PDE2A: variants seen among roughly 807,000 people sequenced by gnomAD.
The protein encoded by PDE2A is phosphodiesterase 2A, also known as cGMP-dependent 3',5'-cyclic phosphodiesterase.
In PDE2A, 53 loss-of-function variants were observed where a neutral mutation model predicts 133.6. The observed-to-expected ratio is 0.40, with a 90% CI of 0.32 to 0.50. The LOEUF is 0.50. PDE2A is among the 20% of genes least tolerant of loss of function. The pLI is 0.73. For synonymous variants in PDE2A, 491 were observed against 490.2 expected (o/e 1.00, Z -0.02); for missense variants, 796 against 1,232.4 (o/e 0.65, Z 5.30).
chr11:72,577,095 T>A lies in PDE2A; in HGVS notation c.*289A>T. ...TCAAGCTGCTCAGACAAAGAATGGC[T>A]TGGGAAAGACTTGCCAAGGTGTGGT... On this transcript the variant is annotated 3_prime_UTR_variant, in exon 31 of 31. Coordinates refer to ENST00000334456, the MANE Select transcript of PDE2A (RefSeq NM_002599.5). 1 of 363,354 alleles carries A rather than the reference T, an allele frequency of 2.8e-6. No individual in the cohort carries two copies. 22.5% of individuals were successfully genotyped at this position (363,354 alleles called of 1,614,324 possible).
At position 72,633,053 on chromosome 11, in the gene PDE2A, T is replaced by C. The variant is rs1368860662; in HGVS notation, c.144+9201A>G. ...AGCTCACCCCTCCTGGACACTGGAA[T>C]CTGCACCAACCCGCCAATAACCTAC... On this transcript the variant is annotated intron_variant, in intron 2 of 30. Transcript: ENST00000334456. Among the ~76,000 whole-genome samples, 3 of 152,314 alleles carry C rather than the reference T, an allele frequency of 2.0e-5. No homozygotes were observed. In the East Asian group the frequency reaches 5.8e-4, roughly 29 times the overall value.
chr11:72,674,257 T>TAA lies in PDE2A; in HGVS notation c.-51_-50insTT. 1 of 1,564,080 alleles carries TAA rather than the reference T, an allele frequency of 6.4e-7. No individual in the cohort carries two copies. Among genetic ancestry groups the TAA allele is most frequent in the East Asian group, 2.3e-5 (1 of 42,994 alleles). ...GCCAGACTAAGGTGGCACCTCGCCC[T>TAA]GTCCCCGCTGCCTGGAGTTCAGGGC... On this transcript the variant is annotated 5_prime_UTR_variant, in exon 1 of 31. Transcript: ENST00000334456.
chr11:72,632,188 A>G (rs1000123566), intron 2 of PDE2A, among the ~76,000 whole-genome samples: 1 of 152,160 alleles, frequency 6.6e-6, no homozygotes, highest in Non-Finnish European at 1.5e-5. Flanking sequence ...TCGCCTGGGC[A>G]CTGGATACCT....
At chr11:72,653,261 AG>A (rs1854797071) in intron 1 of PDE2A, among the ~76,000 whole-genome samples, 2 of 152,228 alleles carry the variant, frequency 1.3e-5, no homozygotes, top group Admixed American at 1.3e-4. Flanking sequence ...AAGACCAGTC[AG>A]GCCCTGAGAG....
Position 72,674,258 on chromosome 11 carries a change from G to GGTGAAC in PDE2A, c.-52_-51insGTTCAC. The GGTGAAC allele has an allele frequency of 6.4e-7, 1 of 1,563,292 alleles. No homozygotes were observed. Among genetic ancestry groups the GGTGAAC allele is most frequent in the East Asian group, 2.3e-5 (1 of 43,022 alleles). On this transcript the variant is annotated 5_prime_UTR_variant, in exon 1 of 31. Coordinates refer to ENST00000334456, the MANE Select transcript of PDE2A (RefSeq NM_002599.5). ...CCAGACTAAGGTGGCACCTCGCCCT[G>GGTGAAC]TCCCCGCTGCCTGGAGTTCAGGGCA... is the stretch of plus-strand genomic sequence containing the variant.
At chr11:72,648,902 T>A (rs1250677272) in intron 1 of PDE2A, among the ~76,000 whole-genome samples, 1 of 152,116 alleles carries the variant, frequency 6.6e-6, no homozygotes, top group African/African-American at 2.4e-5. Flanking sequence ...CTCAAGCACA[T>A]GCTCACACAG....
intron 2 of PDE2A, among the ~76,000 whole-genome samples, chr11:72,616,477 T>C (rs1346039033): frequency 6.6e-6 from 1 of 152,176 alleles, no homozygotes; most frequent in Non-Finnish European, 1.5e-5. Context: ...TAGGTGTTGG[T>C]AGGCGTTTGC....
In PDE2A at chr11:72,578,577, C is replaced by T; in HGVS notation, c.2470-63G>A. The T allele has an allele frequency of 7.3e-7, 1 of 1,378,012 alleles. No homozygotes were observed. Among genetic ancestry groups the T allele is most frequent in the South Asian group, 1.2e-5 (1 of 86,006 alleles). 85.4% of individuals were successfully genotyped at this position (1,378,012 alleles called of 1,614,324 possible). On this transcript the variant is annotated intron_variant, in intron 28 of 30. Transcript: ENST00000334456. The surrounding 1 kb of genome is among the most constrained non-coding windows in gnomAD (Gnocchi z 4.2). ...GATACATCCACCCAAGCTCCTCTGA[C>T]AGCCCGTTCCCAGGAGAGAAAACTG...
chr11:72,648,841 G>A (rs1337709099), intron 1 of PDE2A, among the ~76,000 whole-genome samples: 1 of 151,992 alleles, frequency 6.6e-6, no homozygotes, highest in Non-Finnish European at 1.5e-5. Flanking sequence ...ATAGATACAC[G>A]TCCATGTTCC....
At chr11:72,653,633 G>T (rs1419520618) in intron 1 of PDE2A, among the ~76,000 whole-genome samples, 1 of 152,164 alleles carries the variant, frequency 6.6e-6, no homozygotes, top group African/African-American at 2.4e-5. Context: ...AGAGGGACAG[G>T]TGGTGACTCG....
At chr11:72,629,967 TGTTCTGGCTGTGGGTCCA>T (rs1858291629) in intron 2 of PDE2A, among the ~76,000 whole-genome samples, 1 of 152,134 alleles carries the variant, frequency 6.6e-6, no homozygotes, top group African/African-American at 2.4e-5. Context: ...GGGCAGACTC[TGTTCTGGCTGTGGGTCCA>T]GTTCTCTCTC....
chr11:72,591,359 G>A lies in PDE2A; in HGVS notation c.490-3C>T. 3.7e-6 allele frequency: 6 copies of A among 1,612,628 alleles called. No individual in the cohort carries two copies. The highest frequency in any genetic ancestry group is 4.2e-6 in the Non-Finnish European group (5 of 1,178,782). On this transcript the variant is annotated splice_region_variant and splice_polypyrimidine_tract_variant and intron_variant, in intron 6 of 30. Transcript: ENST00000334456. Reference sequence around the variant, plus strand: ...TCACTCAGCTGGCCACAGTGCACCTGGAGGGATGGGAGAAGGGAACTAGCT... The same window carrying A: ...TCACTCAGCTGGCCACAGTGCACCTAGAGGGATGGGAGAAGGGAACTAGCT...
Position 72,590,489 on chromosome 11 carries a change from G to T in PDE2A, c.641C>A (p.Ala214Glu). 6.6e-7 allele frequency: 1 copy of T among 1,525,862 alleles called. No homozygotes were observed. The allele number at this position is 1,525,862 out of a possible 1,614,324, so 94.5% of individuals were successfully genotyped here. ...CGCCGCCCCGCCCTTCTGGTCTTCC[G>T]CCGTCCCCTCCGGGGGGTTCTGGAC... is the stretch of plus-strand genomic sequence containing the variant. ...RAVQNPPEGT[A>E]EDQKGGAAYT... The change falls in exon 8 of 31, where the codon GCG (alanine) becomes GAG (glutamate). Residue 214 changes from alanine to glutamate, a missense_variant. By Grantham distance (107) the Ala-to-Glu change is moderately radical. This residue lies in a region of PDE2A where 417 missense variants were observed against 475.3 expected (regional missense o/e 0.88). Coordinates refer to ENST00000334456, the MANE Select transcript of PDE2A (RefSeq NM_002599.5). This position sits in a 1 kb window ranked among gnomAD's most constrained non-coding sequence, Gnocchi z 4.8.
intron 2 of PDE2A, among the ~76,000 whole-genome samples, chr11:72,611,946 AG>A (rs1233796462): frequency 6.6e-6 from 1 of 152,194 alleles, no homozygotes; most frequent in Non-Finnish European, 1.5e-5. Context: ...CAGAGGGAAG[AG>A]TTGCTGCTTC....
intron 14 of PDE2A, 45 bp from the exon 15 acceptor site, chr11:72,585,638 G>C (rs766149149): frequency 6.3e-7 from 1 of 1,588,836 alleles, no homozygotes. Context: ...GGGGTGTAGG[G>C]GTCACCCTAT....
In PDE2A at chr11:72,590,716, A is replaced by T; in HGVS notation, c.550-136T>A. 1 of 779,930 alleles carries T rather than the reference A, an allele frequency of 1.3e-6. No homozygotes were observed. The highest frequency in any genetic ancestry group is 1.8e-6 in the Non-Finnish European group (1 of 544,110). The allele number at this position is 779,930 out of a possible 1,614,324, so 48.3% of individuals were successfully genotyped here. ...ACCCCGCCGCCGTCCCAAACACCTC[A>T]TCCCTGGACTCTACCTTCCTGAGGG... On this transcript the variant is annotated intron_variant, in intron 7 of 30. Transcript: ENST00000334456. The surrounding 1 kb of genome is among the most constrained non-coding windows in gnomAD (Gnocchi z 4.8).
chr11:72,634,690 T>C lies in PDE2A; in HGVS notation c.144+7564A>G, dbSNP rs370062901. Among the ~76,000 whole-genome samples, 39 of 152,336 alleles carry C rather than the reference T, an allele frequency of 2.6e-4. No homozygotes were observed. In the East Asian group the frequency reaches 3.9e-3, roughly 15 times the overall value. ...AGGAGGCAGTGAAACACTGGACAATTGGGCTGGCCTTCTGCCAGGCTGGAC... is the reference window on the plus strand; with the variant it reads ...AGGAGGCAGTGAAACACTGGACAATCGGGCTGGCCTTCTGCCAGGCTGGAC... On this transcript the variant is annotated intron_variant, in intron 2 of 30. Coordinates refer to ENST00000334456, the MANE Select transcript of PDE2A (RefSeq NM_002599.5).
Position 72,590,524 on chromosome 11 carries a change from A to G in PDE2A, c.606T>C (p.Ala202=), listed in dbSNP as rs2135306596. Residue 202 remains alanine, a synonymous_variant, in exon 8 of 31, where the codon GCT becomes GCC. Transcript: ENST00000334456. The surrounding 1 kb of genome is among the most constrained non-coding windows in gnomAD (Gnocchi z 4.8). ...CCGGGGGGTTCTGGACGGCTCGGGG[A>G]GCCTCCCTGGGCCCGCGCTGCTGCA... ...QVLQQRGPRE[A]PRAVQNPPEG... 1 of 1,462,588 alleles carries G rather than the reference A, an allele frequency of 6.8e-7. No individual in the cohort carries two copies. The highest frequency in any genetic ancestry group is 2.6e-5 in the Admixed American group (1 of 38,372). The allele number at this position is 1,462,588 out of a possible 1,614,324, so 90.6% of individuals were successfully genotyped here. A position where few individuals can be genotyped will look rare whatever the true frequency, so the allele number is the denominator to read the frequency against.
intron 12 of PDE2A, 44 bp downstream of exon 12, chr11:72,589,131 G>T: frequency 1.3e-6 from 2 of 1,536,610 alleles, no homozygotes; most frequent in Non-Finnish European, 1.8e-6. Flanking sequence ...GGCTGGCAGT[G>T]GGGTCTCCTC....
Sources: allele counts gnomAD v4.1 joint callset (sites outside exome capture counted in the v4.1 genomes callset), GRCh38; gene constraint gnomAD v4.1.1; regional missense constraint gnomAD v4.1.1; non-coding constraint Gnocchi (gnomAD v3.1); transcripts MANE v1.5; gene names NCBI Gene and HGNC (gene_info 2026-07-23, HGNC 2026-07-21).